Variants in CLEC16A observed in about 807,000 individuals in gnomAD.
CLEC16A encodes the protein C-type lectin domain containing 16A.
A neutral mutation model predicts 109.5 loss-of-function variants in CLEC16A; 51 were observed. That is an observed-to-expected ratio of 0.47 (90% CI 0.37 to 0.59). The LOEUF (loss-of-function observed/expected upper bound fraction) is 0.59. Among genes scored for constraint, CLEC16A ranks in the 20% least tolerant of loss-of-function variants. The pLI is 0.00. For synonymous variants in CLEC16A, 673 were observed against 564.2 expected (o/e 1.19, Z -2.73); for missense variants, 1,339 against 1,394.0 (o/e 0.96, Z 0.63).
At chr16:10,974,650 G>T (rs1034686642) in intron 7 of CLEC16A, among the ~76,000 whole-genome samples, 1 of 152,232 alleles carries the variant, frequency 6.6e-6, no homozygotes, top group Non-Finnish European at 1.5e-5. Context: ...CTTTGCCCAG[G>T]CCTAGTGAGA....
chr16:11,034,382 G>T (rs1023796534), intron 13 of CLEC16A, among the ~76,000 whole-genome samples: 3 of 152,170 alleles, frequency 2.0e-5, no homozygotes, highest in Non-Finnish European at 2.9e-5. Context: ...TCTTTATCCA[G>T]ATCTGTCTAA....
chr16:11,029,558 T>C (rs1467518393), intron 13 of CLEC16A, among the ~76,000 whole-genome samples: 1 of 152,110 alleles, frequency 6.6e-6, no homozygotes, highest in African/African-American at 2.4e-5. Context: ...GAGCAATCAC[T>C]GGGCCACTGC....
intron 10 of CLEC16A, among the ~76,000 whole-genome samples, chr16:10,987,856 A>G (rs2043768160): frequency 6.6e-6 from 1 of 152,174 alleles, no homozygotes; most frequent in African/African-American, 2.4e-5. Flanking sequence ...TTTGTAGATA[A>G]GTTACTGGTA....
At chr16:10,969,339 G>C (rs909710899) in intron 4 of CLEC16A, 30 bp downstream of exon 4, 4 of 1,505,848 alleles carry the variant, frequency 2.7e-6, no homozygotes, top group Non-Finnish European at 3.6e-6. Context: ...GCACGTGTGG[G>C]TGTAAAGCCA....
chr16:10,999,290 G>C (rs1167753247), intron 10 of CLEC16A, among the ~76,000 whole-genome samples: 1 of 152,034 alleles, frequency 6.6e-6, no homozygotes, highest in Non-Finnish European at 1.5e-5. Flanking sequence ...CAAACCAAAA[G>C]GTATAAAATA....
chr16:10,986,253 A>G (rs1348104332), intron 10 of CLEC16A, among the ~76,000 whole-genome samples: 1 of 150,560 alleles, frequency 6.6e-6, no homozygotes, highest in Non-Finnish European at 1.5e-5. Context: ...GATGGTCTCA[A>G]TCTCCTGACC....
chr16:11,093,530 C>T (rs1246383630), intron 19 of CLEC16A, among the ~76,000 whole-genome samples: 1 of 152,206 alleles, frequency 6.6e-6, no homozygotes, highest in Non-Finnish European at 1.5e-5. Flanking sequence ...TGGGCAGTGA[C>T]TGGTCACCTT....
At chr16:11,033,886 C>T (rs559876106) in intron 13 of CLEC16A, among the ~76,000 whole-genome samples, 6 of 152,172 alleles carry the variant, frequency 3.9e-5, no homozygotes, top group Non-Finnish European at 7.3e-5. Context: ...ATAGAAAATG[C>T]AGCCTTCGCT....
intron 13 of CLEC16A, among the ~76,000 whole-genome samples, chr16:11,030,240 A>T (rs751863426): frequency 6.6e-6 from 1 of 152,206 alleles, no homozygotes; most frequent in Non-Finnish European, 1.5e-5. Context: ...GAGCATATAC[A>T]TTCTTTTCTC....
At chr16:11,156,612 C>T in intron 22 of CLEC16A, 15 of 1,304,282 alleles carry the variant, frequency 1.2e-5, no homozygotes, top group Non-Finnish European at 1.4e-5. Context: ...GCCCAGATGG[C>T]CGCTCCCAAG....
At chr16:10,976,040 G>A (rs994450980) in intron 7 of CLEC16A, among the ~76,000 whole-genome samples, 8 of 152,186 alleles carry the variant, frequency 5.3e-5, no homozygotes, top group Non-Finnish European at 7.3e-5. Context: ...CGAGGCAGAA[G>A]GATCACTTGA....
intron 10 of CLEC16A, among the ~76,000 whole-genome samples, chr16:10,983,844 C>G (rs777067134): frequency 1.9e-4 from 29 of 151,896 alleles, no homozygotes; most frequent in Non-Finnish European, 3.5e-4. Context: ...CTGGTTCCCT[C>G]TTTTCAAAGG....
intron 13 of CLEC16A, among the ~76,000 whole-genome samples, chr16:11,035,677 A>G (rs1471631357): frequency 1.3e-5 from 2 of 152,232 alleles, no homozygotes; most frequent in African/African-American, 4.8e-5. Flanking sequence ...ATTCTACGTC[A>G]TATGCCTGGC....
chr16:11,032,203 C>T (rs936897745), intron 13 of CLEC16A, among the ~76,000 whole-genome samples: 1 of 152,212 alleles, frequency 6.6e-6, no homozygotes, highest in Non-Finnish European at 1.5e-5. Context: ...CAGATCACTG[C>T]CCGTTCCCTA....
At chr16:10,996,397 A>G (rs1596961832) in intron 10 of CLEC16A, among the ~76,000 whole-genome samples, 1 of 152,276 alleles carries the variant, frequency 6.6e-6, no homozygotes, top group South Asian at 2.1e-4. Context: ...ACTGTCACCA[A>G]GCACCAGCCC....
chr16:10,964,793 C>CA (rs1263073260), intron 3 of CLEC16A, among the ~76,000 whole-genome samples: 5 of 151,958 alleles, frequency 3.3e-5, no homozygotes, highest in East Asian at 1.9e-4. Flanking sequence ...TACATATACA[C>CA]AAAAAAATGT....
intron 22 of CLEC16A, among the ~76,000 whole-genome samples, chr16:11,128,980 T>G (rs566421881): frequency 6.6e-6 from 1 of 152,286 alleles, no homozygotes; most frequent in South Asian, 2.1e-4. Flanking sequence ...CCTGTTGCAC[T>G]TAGAACAAAA....
At chr16:11,176,531 G>A (rs1231562590) in intron 23 of CLEC16A, among the ~76,000 whole-genome samples, 1 of 152,206 alleles carries the variant, frequency 6.6e-6, no homozygotes, top group Non-Finnish European at 1.5e-5. Flanking sequence ...GAGCCCAGGA[G>A]TTCCATACCA....
intron 12 of CLEC16A, among the ~76,000 whole-genome samples, chr16:11,022,337 CTTTTT>C (rs36094157): frequency 2.1e-5 from 2 of 93,470 alleles, no homozygotes; most frequent in Admixed American, 1.2e-4. Context: ...GTCTGGCTAC[CTTTTT>C]TTTTTTTTTT....
Sources: allele counts gnomAD v4.1 joint callset (sites outside exome capture counted in the v4.1 genomes callset), GRCh38; gene constraint gnomAD v4.1.1; transcripts MANE v1.5; gene names NCBI Gene and HGNC (gene_info 2026-07-23, HGNC 2026-07-21).